Variants in STAG1 observed in about 807,000 individuals in gnomAD.
STAG1 encodes STAG1 cohesin complex component.
STAG1 carries 26 observed loss-of-function variants against 170.9 expected under a neutral mutation model. The ratio of observed to expected loss-of-function variants is 0.15; its 90% confidence interval spans 0.11 to 0.21. STAG1 has a LOEUF of 0.21. STAG1 is among the 10% of genes least tolerant of loss of function. The pLI, the probability that STAG1 is intolerant of heterozygous loss-of-function variation, is 1.00. For synonymous variants in STAG1, 514 were observed against 497.7 expected, an observed-to-expected ratio of 1.03 and a Z score of -0.44; for missense variants, 964 against 1,509.5, an observed-to-expected ratio of 0.64 and a Z score of 5.99.
chr3:136,455,348 C>T (rs572474262), intron 13 of STAG1, among the ~76,000 whole-genome samples: 2 of 152,300 alleles, frequency 1.3e-5, no homozygotes, highest in East Asian at 3.9e-4. Flanking sequence ...GTAAGAGAAA[C>T]AGTCATTTCA....
At chr3:136,616,201 G>A (rs1044558721) in intron 3 of STAG1, among the ~76,000 whole-genome samples, 11 of 151,658 alleles carry the variant, frequency 7.3e-5, no homozygotes, top group Admixed American at 6.6e-4. Flanking sequence ...CCTGGGAGGC[G>A]GAACTTGCAG....
intron 23 of STAG1, among the ~76,000 whole-genome samples, 168 bp from the exon 24 acceptor site, chr3:136,369,450 A>C (rs949135979): frequency 1.3e-5 from 2 of 152,178 alleles, no homozygotes; most frequent in African/African-American, 4.8e-5. Flanking sequence ...TAATAAAATT[A>C]TTTTTTCTCA....
At chr3:136,448,430 G>A (rs1339547926) in intron 14 of STAG1, among the ~76,000 whole-genome samples, 1 of 152,144 alleles carries the variant, frequency 6.6e-6, no homozygotes, top group Admixed American at 6.5e-5. Flanking sequence ...ATCTTACATG[G>A]TGGCAGGCAA....
chr3:136,343,967 G>T lies in STAG1; in HGVS notation c.3311C>A (p.Thr1104Asn). Residue 1104 changes from threonine to asparagine, a missense_variant, in exon 30 of 34, where the codon ACC becomes AAC. Thr to Asn is a moderately conservative substitution (Grantham distance 65). This residue lies in a region of STAG1 where 122 missense variants were observed against 129.0 expected (regional missense o/e 0.95). Transcript: ENST00000383202. ...LDNTWLNRTD[T>N]MIQTPGPLPA... ...CAGGGGGCCAGGAGTCTGAATCATG[G>T]TGTCAGTCCTGTTTAGCCATGTGTT... The T allele has an allele frequency of 1.2e-6, 2 of 1,607,836 alleles. No individual in the cohort carries two copies. Among genetic ancestry groups the T allele is most frequent in the East Asian group, 4.5e-5 (2 of 44,636 alleles).
At chr3:136,539,007 G>A (rs540623355) in intron 6 of STAG1, among the ~76,000 whole-genome samples, 2 of 152,044 alleles carry the variant, frequency 1.3e-5, no homozygotes, top group Admixed American at 6.5e-5. Flanking sequence ...AGCGGCAGGC[G>A]CCTGTAGTCC....
intron 1 of STAG1, among the ~76,000 whole-genome samples, chr3:136,679,120 A>G (rs1238496245): frequency 6.6e-6 from 1 of 152,180 alleles, no homozygotes; most frequent in African/African-American, 2.4e-5. Context: ...TGGCAAACTT[A>G]AAAAGTTACA....
intron 1 of STAG1, among the ~76,000 whole-genome samples, chr3:136,664,645 T>C (rs1409030213): frequency 6.6e-6 from 1 of 152,208 alleles, no homozygotes; most frequent in Non-Finnish European, 1.5e-5. Context: ...GTATTGTATG[T>C]ATATCTGTGC....
chr3:136,454,586 G>A (rs1486353250), intron 13 of STAG1, among the ~76,000 whole-genome samples: 1 of 151,712 alleles, frequency 6.6e-6, no homozygotes, highest in African/African-American at 2.4e-5. Context: ...CACCATGTTG[G>A]CCAGGCTGAT....
intron 5 of STAG1, among the ~76,000 whole-genome samples, chr3:136,563,234 C>A (rs907508075): frequency 6.6e-5 from 10 of 152,282 alleles, no homozygotes; most frequent in Middle Eastern, 3.4e-3. Flanking sequence ...TCAAACTTCT[C>A]CCCGACCCCA....
At chr3:136,689,304 A>G (rs183437036) in intron 1 of STAG1, among the ~76,000 whole-genome samples, 75 of 152,346 alleles carry the variant, frequency 4.9e-4, no homozygotes, top group Non-Finnish European at 3.2e-4. Context: ...ATAAATTACA[A>G]TCTCCAGGAA....
rs760432258 is a variant in STAG1, at chr3:136,421,131, A to G, written c.2070T>C (p.Asn690=). The G allele has an allele frequency of 5.0e-6, 8 of 1,607,780 alleles. No individual in the cohort carries two copies. In the South Asian group the frequency reaches 7.8e-5, roughly 16 times the overall value. Residue 690 remains asparagine, a synonymous_variant, in exon 20 of 34, where the codon AAT becomes AAC. Coordinates refer to ENST00000383202, the MANE Select transcript of STAG1 (RefSeq NM_005862.3). The part of the protein sequence containing the change: ...GEEADDDDIY[N]VLSTLKRLTS... Reference sequence around the variant, plus strand: ...TTAACCGCTTTAATGTAGAAAGAACATTGTAAATGTCATCATCATCAGCTT... The same window carrying G: ...TTAACCGCTTTAATGTAGAAAGAACGTTGTAAATGTCATCATCATCAGCTT...
intron 1 of STAG1, among the ~76,000 whole-genome samples, chr3:136,668,003 T>C (rs1941850829): frequency 6.6e-6 from 1 of 151,732 alleles, no homozygotes; most frequent in South Asian, 2.1e-4. Flanking sequence ...CCTGGCCAAC[T>C]GGTAGAGAAT....
chr3:136,714,943 AT>A (rs1559967504), intron 1 of STAG1, among the ~76,000 whole-genome samples: 3 of 36,874 alleles, frequency 8.1e-5, no homozygotes, highest in Non-Finnish European at 2.0e-4. Context: ...TATTAAATAT[AT>A]ATATATATAT....
intron 1 of STAG1, among the ~76,000 whole-genome samples, chr3:136,717,397 C>T (rs768818243): frequency 6.6e-6 from 1 of 152,170 alleles, no homozygotes; most frequent in Non-Finnish European, 1.5e-5. Context: ...GGTGTGGTGG[C>T]TCATGCTTGT....
intron 1 of STAG1, chr3:136,736,797 C>T (rs767306666): frequency 6.0e-5 from 95 of 1,588,758 alleles, no homozygotes; most frequent in Non-Finnish European, 8.0e-5. Flanking sequence ...TCAGGATCAT[C>T]CTCCTCTACA....
rs758929239 is a variant in STAG1, at chr3:136,630,921, T to C, written c.-23A>G. 7.0e-6 allele frequency: 11 copies of C among 1,562,354 alleles called. No individual in the cohort carries two copies. The highest frequency in any genetic ancestry group is 1.4e-5 in the African/African-American group (1 of 72,960). On this transcript the variant is annotated 5_prime_UTR_variant, in exon 2 of 34. Coordinates refer to ENST00000383202, the MANE Select transcript of STAG1 (RefSeq NM_005862.3). ...CATTGCTGGAGAGGTCCTTTCACAA[T>C]GCAGCAAAATAATCAAGTGCTGTAC...
intron 9 of STAG1, among the ~76,000 whole-genome samples, chr3:136,496,373 T>C (rs1352199405): frequency 6.6e-6 from 1 of 152,224 alleles, no homozygotes; most frequent in African/African-American, 2.4e-5. Flanking sequence ...TATAGGTATC[T>C]ATTCACCAAG....
intron 5 of STAG1, among the ~76,000 whole-genome samples, chr3:136,552,843 G>GT (rs953209809): frequency 3.7e-4 from 57 of 152,112 alleles, no homozygotes; most frequent in African/African-American, 1.2e-3. Context: ...TCCTAGATTG[G>GT]TAGCGCCCCT....
intron 11 of STAG1, among the ~76,000 whole-genome samples, chr3:136,472,866 T>G (rs934838515): frequency 6.6e-6 from 1 of 152,186 alleles, no homozygotes; most frequent in African/African-American, 2.4e-5. Context: ...CAATTTCATA[T>G]GGGTTTATTT....
Sources: gnomAD v4.1 joint callset for allele counts (sites outside exome capture counted in the v4.1 genomes callset) on GRCh38, gnomAD v4.1.1 for gene constraint, gnomAD v4.1.1 regional missense constraint, MANE v1.5 for transcripts, NCBI Gene and HGNC (gene_info 2026-07-23, HGNC 2026-07-21) for gene names.